Variants in RANBP10 observed in about 807,000 individuals in gnomAD.
RANBP10 encodes RAN binding protein 10.
Under a neutral mutation model 72.8 loss-of-function variants are expected in RANBP10, and 24 were observed. The ratio of observed to expected loss-of-function variants is 0.33; its 90% CI spans 0.24 to 0.46. The LOEUF (loss-of-function observed/expected upper bound fraction) is 0.46, where lower values mean the gene tolerates loss of function less well. Ranked by LOEUF, RANBP10 falls within the 20% of genes least tolerant of loss-of-function variation. The pLI is 1.00. For missense variants in RANBP10, 679 were observed against 817.5 expected, an observed-to-expected ratio of 0.83 and a Z score of 2.07; for synonymous variants, 310 against 322.3, an observed-to-expected ratio of 0.96 and a Z score of 0.41.
intron 2 of RANBP10, among the ~76,000 whole-genome samples, chr16:67,798,017 G>A (rs72790363): frequency 0.07 from 8,909 of 128,152 alleles, 374 homozygotes; most frequent in Middle Eastern, 0.1. Context: ...AAAAAGCAAA[G>A]AACAGTGGCC....
At chr16:67,797,348 T>C (rs1057345567) in intron 2 of RANBP10, among the ~76,000 whole-genome samples, 1 of 152,164 alleles carries the variant, frequency 6.6e-6, no homozygotes, top group African/African-American at 2.4e-5. Context: ...GGTAGCAACA[T>C]ACAGTGAGGA....
rs1286591460 is a variant in RANBP10 at position 67,729,178 on chromosome 16, T to C, written c.1352+102A>G. On this transcript the variant is annotated intron_variant, in intron 10 of 13. Coordinates refer to ENST00000317506, the MANE Select transcript of RANBP10 (RefSeq NM_020850.3). The surrounding 1 kb of genome is among the most constrained non-coding windows in gnomAD (Gnocchi z 7.1). ...TAGGACTCCAGGCACAGACCTGAGATGGAGGCTGGGGGTGAAGGGCAGGGC... is the reference window on the plus strand; with the variant it reads ...TAGGACTCCAGGCACAGACCTGAGACGGAGGCTGGGGGTGAAGGGCAGGGC... 17 of 1,535,818 alleles carry C rather than the reference T, an allele frequency of 1.1e-5. No homozygotes were observed. The East Asian group carries it at 2.5e-4, about 22-fold the overall frequency.
intron 4 of RANBP10, among the ~76,000 whole-genome samples, chr16:67,743,698 C>T (rs983951034): frequency 6.6e-6 from 1 of 152,158 alleles, no homozygotes; most frequent in African/African-American, 2.4e-5. Flanking sequence ...GGGCCTTTGT[C>T]CTGCACCCAT....
intron 2 of RANBP10, among the ~76,000 whole-genome samples, chr16:67,790,479 C>T (rs2055003399): frequency 6.6e-6 from 1 of 151,628 alleles, no homozygotes. Context: ...TATTTTACCA[C>T]ACACACATAC....
chr16:67,785,503 G>A (rs1279312173), intron 2 of RANBP10, among the ~76,000 whole-genome samples: 6 of 151,906 alleles, frequency 3.9e-5, no homozygotes, highest in East Asian at 3.9e-4. Flanking sequence ...TGAGGCAGGC[G>A]GACCACTTGA....
At chr16:67,728,536 G>T in intron 10 of RANBP10, 25 bp from the exon 11 acceptor site, 1 of 1,613,884 alleles carries the variant, frequency 6.2e-7, no homozygotes, top group Non-Finnish European at 8.5e-7. Context: ...TGAGGTGGGA[G>T]TTGGCCCAGG....
At chr16:67,756,132 G>A (rs922209820) in intron 3 of RANBP10, among the ~76,000 whole-genome samples, 6 of 152,216 alleles carry the variant, frequency 3.9e-5, no homozygotes, top group Admixed American at 3.3e-4. Flanking sequence ...GGCACTCCCA[G>A]GTAACATCCC....
At position 67,727,195 on chromosome 16, in the gene RANBP10, A is replaced by T. The variant is rs1201870772; in HGVS notation, c.1732+132T>A. 8 of 780,558 alleles carry T rather than the reference A, an allele frequency of 1.0e-5. No homozygotes were observed. In the East Asian group the frequency reaches 2.2e-4, roughly 22 times the overall value. 48.4% of individuals were successfully genotyped at this position (780,558 alleles called of 1,614,324 possible). ...TTAGTCCCAGCTACTCAGGAGGCTG[A>T]GGCACGAAAATTGCTTAAACCCAGG... On this transcript the variant is annotated intron_variant, in intron 13 of 13. Transcript: ENST00000317506.
chr16:67,726,795 A>C (rs1004583008), intron 13 of RANBP10, among the ~76,000 whole-genome samples: 1 of 152,232 alleles, frequency 6.6e-6, no homozygotes, highest in African/African-American at 2.4e-5. Context: ...GCCATGGCCT[A>C]GGACCCATCA....
At position 67,734,940 on chromosome 16, in the gene RANBP10, C is replaced by T. The variant is rs1200473419; in HGVS notation, c.694G>A (p.Glu232Lys). The change falls in exon 6 of 14, where the codon GAG becomes AAG. Residue 232 changes from glutamate to lysine, a missense_variant. Physicochemically the swap from Glu to Lys is moderately conservative, Grantham distance 56. Transcript: ENST00000317506. Reference protein sequence around the residue: ...FLFDIEDYMREWRAKVQGTVH... With the variant: ...FLFDIEDYMRKWRAKVQGTVH... ...GTGCCCTGGACCTTGGCACGCCACTCCCGCATGTAGTCCTCAATGTCAAAC... is the reference window on the plus strand; with the variant it reads ...GTGCCCTGGACCTTGGCACGCCACTTCCGCATGTAGTCCTCAATGTCAAAC... The T allele has an allele frequency of 6.2e-7, 1 of 1,614,072 alleles. No homozygotes were observed. The highest frequency in any genetic ancestry group is 8.5e-7 in the Non-Finnish European group (1 of 1,179,984).
intron 2 of RANBP10, among the ~76,000 whole-genome samples, chr16:67,784,772 T>G (rs1340074170): frequency 6.6e-6 from 1 of 151,148 alleles, no homozygotes; most frequent in Non-Finnish European, 1.5e-5. Flanking sequence ...TAAGCCGAGA[T>G]TGAGCCATTG....
At position 67,729,784 on chromosome 16, in the gene RANBP10, A is replaced by AC; in HGVS notation, c.1042dup (p.Val348GlyfsTer29). ...GGGGCTTCGGGAGCTCAAACTTCGG[A>AC]CCTCACTGTCCGTCCCATTCACCAT... On this transcript the variant is annotated frameshift_variant, in exon 9 of 14. Transcript: ENST00000317506. LOFTEE classifies it high-confidence loss of function. The surrounding 1 kb of genome is among the most constrained non-coding windows in gnomAD (Gnocchi z 7.1). 1 of 1,613,784 alleles carries AC rather than the reference A, an allele frequency of 6.2e-7. No homozygotes were observed. The highest frequency in any genetic ancestry group is 8.5e-7 in the Non-Finnish European group (1 of 1,179,958).
chr16:67,805,673 A>G (rs879293573), intron 1 of RANBP10, 134 bp from the exon 2 acceptor site: 35 of 689,120 alleles, frequency 5.1e-5, no homozygotes, highest in Non-Finnish European at 7.5e-5. Context: ...CCGAGGAATC[A>G]TTAGACAACT....
Position 67,750,134 on chromosome 16 carries a change from TCTC to T in RANBP10, c.401-5682_401-5680del, listed in dbSNP as rs1446824384. Among the ~76,000 whole-genome samples, 4 of 152,010 alleles carry T rather than the reference TCTC, an allele frequency of 2.6e-5. No homozygotes were observed. The South Asian group carries it at 8.3e-4, about 32-fold the overall frequency. ...GGGATGCCAGGAGGTAAGGTGGGGC[TCTC>T]CTCAATGCTCCTTGACCTGCACAGC... On this transcript the variant is annotated intron_variant, in intron 3 of 13. Transcript: ENST00000317506.
chr16:67,797,290 TAAAG>T (rs2055150379), intron 2 of RANBP10, among the ~76,000 whole-genome samples: 1 of 152,234 alleles, frequency 6.6e-6, no homozygotes, highest in South Asian at 2.1e-4. Context: ...GCCCCAGCTA[TAAAG>T]AAGGCAACGA....
At chr16:67,800,014 G>A (rs1399729096) in intron 2 of RANBP10, among the ~76,000 whole-genome samples, 2 of 152,136 alleles carry the variant, frequency 1.3e-5, no homozygotes, top group Non-Finnish European at 2.9e-5. Context: ...CCAGCTACTC[G>A]GGAGGGTGAG....
chr16:67,768,155 C>T (rs571723214), intron 3 of RANBP10, among the ~76,000 whole-genome samples: 3 of 151,722 alleles, frequency 2.0e-5, no homozygotes, highest in African/African-American at 4.8e-5. Flanking sequence ...TTTGGGAGGC[C>T]GAGATGAGTG....
intron 3 of RANBP10, among the ~76,000 whole-genome samples, chr16:67,770,425 G>GA (rs1191192911): frequency 5.9e-5 from 9 of 151,844 alleles, no homozygotes; most frequent in African/African-American, 1.2e-4. Flanking sequence ...GAAAGTATTA[G>GA]AAATCAGTCT....
At chr16:67,800,404 G>A (rs1432752710) in intron 2 of RANBP10, among the ~76,000 whole-genome samples, 3 of 152,158 alleles carry the variant, frequency 2.0e-5, no homozygotes, top group Admixed American at 6.5e-5. Context: ...CCGCCGCTGG[G>A]ATGATGTTAC....
Sources: gnomAD v4.1 joint callset for allele counts (sites outside exome capture counted in the v4.1 genomes callset) on GRCh38, gnomAD v4.1.1 for gene constraint, Gnocchi (gnomAD v3.1) non-coding constraint, MANE v1.5 for transcripts, NCBI Gene and HGNC (gene_info 2026-07-23, HGNC 2026-07-21) for gene names.